The following SYN3 variants were observed in gnomAD, a reference collection of about 807,000 sequenced individuals.
SYN3 encodes synapsin-3.
Under a neutral mutation model 65.8 loss-of-function variants are expected in SYN3, and 35 were observed. The ratio of observed to expected loss-of-function variants is 0.53; its 90% CI spans 0.41 to 0.70. The LOEUF is 0.70. Among genes scored for constraint, SYN3 ranks in the 30% least tolerant of loss-of-function variants. The pLI is 0.00. For synonymous variants in SYN3, 270 were observed against 292.9 expected (o/e 0.92, Z 0.80); for missense variants, 680 against 749.0 (o/e 0.91, Z 1.08).
At chr22:32,607,542 G>A (rs1026740651) in intron 6 of SYN3, among the ~76,000 whole-genome samples, 1 of 152,094 alleles carries the variant, frequency 6.6e-6, no homozygotes, top group African/African-American at 2.4e-5. Context: ...TCCCTGCCCA[G>A]CCTCGAGCTC....
chr22:32,528,060 G>C (rs1021245003), intron 11 of SYN3, 55 bp from the exon 12 acceptor site: 2 of 1,327,288 alleles, frequency 1.5e-6, no homozygotes, highest in Non-Finnish European at 2.0e-6. Context: ...TTTACTTCCT[G>C]GGTGAGAGGG....
chr22:32,528,934 G>C lies in SYN3; in HGVS notation c.1170C>G (p.Val390=), dbSNP rs765400187. The C allele has an allele frequency of 6.2e-7, 1 of 1,614,140 alleles. No individual in the cohort carries two copies. The highest frequency in any genetic ancestry group is 8.5e-7 in the Non-Finnish European group (1 of 1,180,052). ...GCATCGGGAGCTGGCTCATTTTGGA[G>C]ACAACAAGGTCGGCCATCAGCTGTC... ...EDRQLMADLV[V]SKMSQLPMPG... is the part of the protein sequence containing the mutation. Residue 390 remains valine, a synonymous_variant, in exon 11 of 14, where the codon GTC becomes GTG. Transcript: ENST00000358763.
intron 1 of SYN3, among the ~76,000 whole-genome samples, chr22:33,030,910 GAGAC>G (rs1034729691): frequency 1.1e-4 from 16 of 152,172 alleles, no homozygotes; most frequent in East Asian, 5.8e-4. Context: ...GAGAGTGATA[GAGAC>G]AGACAAAGAT....
chr22:33,025,556 C>A (rs2053629145), intron 1 of SYN3, among the ~76,000 whole-genome samples: 2 of 151,186 alleles, frequency 1.3e-5, no homozygotes, highest in South Asian at 4.2e-4. Context: ...ATCGCTTGAA[C>A]CTGGGATGCC....
At chr22:32,749,706 T>C (rs894781915) in intron 6 of SYN3, among the ~76,000 whole-genome samples, 1 of 152,328 alleles carries the variant, frequency 6.6e-6, no homozygotes, top group East Asian at 1.9e-4. Context: ...ACATTCAGTC[T>C]ACGGCATTAG....
chr22:32,842,230 GTTT>G lies in SYN3; in HGVS notation c.711+22682_711+22684del, dbSNP rs555125623. ...CCAGTACGCCGTGATCACTTCTCCAGTTTTCTTGATCTGTCCTTTCAGCTTCTG... is the reference window on the plus strand; with the variant it reads ...CCAGTACGCCGTGATCACTTCTCCAGTCTTGATCTGTCCTTTCAGCTTCTG... On this transcript the variant is annotated intron_variant, in intron 6 of 13. Coordinates refer to ENST00000358763, the MANE Select transcript of SYN3 (RefSeq NM_003490.4). 3.4e-3 allele frequency among the ~76,000 whole-genome samples: 520 copies of G among 152,282 alleles called. 14 individuals carry two copies. Among genetic ancestry groups the G allele is most frequent in the Admixed American group, 0.032 (485 of 15,292 alleles).
At chr22:32,684,588 T>C (rs2060566303) in intron 6 of SYN3, among the ~76,000 whole-genome samples, 1 of 152,234 alleles carries the variant, frequency 6.6e-6, no homozygotes. Context: ...TGCAAGGCAC[T>C]CTACAGAGCA....
At chr22:32,719,243 T>C (rs2092559725) in intron 6 of SYN3, among the ~76,000 whole-genome samples, 1 of 152,230 alleles carries the variant, frequency 6.6e-6, no homozygotes, top group Admixed American at 6.5e-5. Flanking sequence ...GTGTTATTCA[T>C]CTTTTGCGTC....
intron 4 of SYN3, among the ~76,000 whole-genome samples, chr22:32,897,826 T>A (rs775219674): frequency 7.2e-5 from 11 of 152,152 alleles, no homozygotes; most frequent in African/African-American, 1.4e-4. Context: ...TTATATATAT[T>A]TTTTTATTTT....
intron 6 of SYN3, among the ~76,000 whole-genome samples, chr22:32,821,954 G>A (rs184611214): frequency 3.3e-4 from 50 of 152,160 alleles, no homozygotes; most frequent in Non-Finnish European, 5.4e-4. Flanking sequence ...TCGGGAGTTC[G>A]AGACCAGCCT....
intron 6 of SYN3, among the ~76,000 whole-genome samples, chr22:32,679,228 T>G (rs1271292573): frequency 6.6e-6 from 1 of 151,962 alleles, no homozygotes; most frequent in Non-Finnish European, 1.5e-5. Context: ...AATTTTTGTA[T>G]TTTTAGTAGA....
chr22:32,908,021 T>C (rs2049948643), intron 4 of SYN3, among the ~76,000 whole-genome samples: 1 of 152,134 alleles, frequency 6.6e-6, no homozygotes, highest in Admixed American at 6.5e-5. Context: ...CCAATGTCAA[T>C]GCAGCCAGTA....
intron 6 of SYN3, among the ~76,000 whole-genome samples, chr22:32,660,177 A>G (rs2060196954): frequency 6.6e-6 from 1 of 152,204 alleles, no homozygotes; most frequent in Non-Finnish European, 1.5e-5. Context: ...AGATGAAGAT[A>G]TGGTGCCTGC....
intron 4 of SYN3, among the ~76,000 whole-genome samples, chr22:32,903,497 C>A (rs1464522915): frequency 1.3e-5 from 2 of 152,156 alleles, no homozygotes; most frequent in African/African-American, 2.4e-5. Context: ...TCCTTCTGAG[C>A]AACACTAGAG....
At chr22:32,698,247 C>A (rs1022871910) in intron 6 of SYN3, among the ~76,000 whole-genome samples, 4 of 152,132 alleles carry the variant, frequency 2.6e-5, no homozygotes, top group African/African-American at 9.7e-5. Context: ...CTACTGACAA[C>A]TTCAAGGTGG....
chr22:32,557,904 A>G (rs1406150280), intron 7 of SYN3, among the ~76,000 whole-genome samples: 1 of 152,002 alleles, frequency 6.6e-6, no homozygotes. Context: ...GTCACTTTTC[A>G]TATGTTTTGT....
intron 1 of SYN3, among the ~76,000 whole-genome samples, chr22:33,035,095 G>A (rs568308762): frequency 6.6e-6 from 1 of 152,230 alleles, no homozygotes; most frequent in African/African-American, 2.4e-5. Flanking sequence ...CTTTACTGCT[G>A]AAGGAAAGGA....
intron 6 of SYN3, among the ~76,000 whole-genome samples, chr22:32,709,581 C>T (rs1026336846): frequency 2.0e-5 from 3 of 152,042 alleles, no homozygotes; most frequent in African/African-American, 7.3e-5. Flanking sequence ...GAAAAAATTC[C>T]AAATGTGAAA....
chr22:32,837,884 C>G lies in SYN3; in HGVS notation c.711+27031G>C, dbSNP rs2047779694. Among the ~76,000 whole-genome samples, 2 of 152,188 alleles carry G rather than the reference C, an allele frequency of 1.3e-5. No individual in the cohort carries two copies. Among genetic ancestry groups the G allele is most frequent in the African/African-American group, 4.8e-5 (2 of 41,444 alleles). On this transcript the variant is annotated intron_variant, in intron 6 of 13. Coordinates refer to ENST00000358763, the MANE Select transcript of SYN3 (RefSeq NM_003490.4). The surrounding 1 kb of genome is among the most constrained non-coding windows in gnomAD (Gnocchi z 4.1). ...CTTTGTTGGACTCTCTGTTTTCTGT[C>G]TCTCCAATGGGCTGGACTCTCCAGC...
Sources: gnomAD v4.1 joint callset for allele counts (sites outside exome capture counted in the v4.1 genomes callset) on GRCh38, gnomAD v4.1.1 for gene constraint, Gnocchi (gnomAD v3.1) non-coding constraint, MANE v1.5 for transcripts, NCBI Gene and HGNC (gene_info 2026-07-23, HGNC 2026-07-21) for gene names.